CYRIB: variants seen among roughly 807,000 people sequenced by gnomAD.
CYRIB encodes the protein CYFIP related Rac1 interactor B, also known as CYFIP-related Rac1 interactor B.
A neutral mutation model predicts 44.2 loss-of-function variants in CYRIB; 8 were observed. The observed-to-expected ratio is 0.18, with a 90% CI of 0.11 to 0.33. The LOEUF is 0.33. CYRIB is among the 10% of genes least tolerant of loss of function. The pLI, the probability that CYRIB is intolerant of heterozygous loss-of-function variation, is 1.00. For synonymous variants in CYRIB, 131 were observed against 127.2 expected (o/e 1.03, Z -0.20); for missense variants, 185 against 382.8 (o/e 0.48, Z 4.31).
At chr8:129,862,950 T>C (rs2050745311) in intron 4 of CYRIB, among the ~76,000 whole-genome samples, 1 of 152,100 alleles carries the variant, frequency 6.6e-6, no homozygotes, top group Non-Finnish European at 1.5e-5. Context: ...ATAATGAAAA[T>C]TTAAAAATGA....
chr8:129,863,384 G>T (rs1445099675), intron 4 of CYRIB, among the ~76,000 whole-genome samples: 1 of 152,098 alleles, frequency 6.6e-6, no homozygotes, highest in African/African-American at 2.4e-5. Flanking sequence ...AATTAGTCAG[G>T]TGTGGTGGTG....
At chr8:129,946,324 A>G (rs1374534854) in intron 2 of CYRIB, among the ~76,000 whole-genome samples, 1 of 152,212 alleles carries the variant, frequency 6.6e-6, no homozygotes, top group Non-Finnish European at 1.5e-5. Context: ...CTCTGTATCC[A>G]GTCTCGCTCC....
At chr8:130,016,007 A>C (rs2097334339) in intron 1 of CYRIB, among the ~76,000 whole-genome samples, 1 of 151,850 alleles carries the variant, frequency 6.6e-6, no homozygotes. Context: ...TCTGCCAGGG[A>C]CCAGCCACCC....
intron 1 of CYRIB, among the ~76,000 whole-genome samples, chr8:129,983,441 T>C (rs2096326362): frequency 6.6e-6 from 1 of 151,932 alleles, no homozygotes; most frequent in Admixed American, 6.5e-5. Flanking sequence ...CAAGACTCCA[T>C]CTCAACAAAA....
intron 1 of CYRIB, among the ~76,000 whole-genome samples, chr8:129,912,731 A>AT (rs969856648): frequency 2.5e-4 from 37 of 149,578 alleles, no homozygotes; most frequent in Middle Eastern, 3.5e-3. Context: ...CTTGCAAGTC[A>AT]TTTTTTTTTC....
At chr8:130,011,682 A>C (rs2097220157) in intron 1 of CYRIB, among the ~76,000 whole-genome samples, 1 of 151,122 alleles carries the variant, frequency 6.6e-6, no homozygotes, top group Middle Eastern at 3.4e-3. Flanking sequence ...GAAAGAAAGA[A>C]ATTAGCCAGG....
intron 1 of CYRIB, among the ~76,000 whole-genome samples, chr8:129,921,255 C>A (rs1468348083): frequency 6.6e-6 from 1 of 152,142 alleles, no homozygotes; most frequent in Admixed American, 6.5e-5. Flanking sequence ...AGATTCATAA[C>A]AATTTACTTA....
chr8:129,848,734 A>G (rs62525978), intron 10 of CYRIB, among the ~76,000 whole-genome samples: 2 of 146,616 alleles, frequency 1.4e-5, no homozygotes, highest in Non-Finnish European at 3.0e-5. Context: ...ACACCTGGCT[A>G]ATTTTTTTTT....
chr8:129,983,519 A>T (rs998750168), intron 1 of CYRIB, among the ~76,000 whole-genome samples: 1 of 152,214 alleles, frequency 6.6e-6, no homozygotes, highest in Non-Finnish European at 1.5e-5. Context: ...AACAACAAAA[A>T]AAAGTTTTTA....
chr8:129,923,296 TAG>T (rs2085036959), intron 1 of CYRIB, among the ~76,000 whole-genome samples: 1 of 151,544 alleles, frequency 6.6e-6, no homozygotes, highest in South Asian at 2.1e-4. Context: ...ATGTTTGAGA[TAG>T]AGTTTCGCTC....
rs549161379 is a variant in CYRIB at position 129,882,272 on chromosome 8, G to A, written c.-10-2801C>T. 2.4e-3 allele frequency among the ~76,000 whole-genome samples: 358 copies of A among 152,278 alleles called. 5 individuals are homozygous for A. The highest frequency in any genetic ancestry group is 8.2e-3 in the African/African-American group (339 of 41,556). On this transcript the variant is annotated intron_variant, in intron 2 of 11. Transcript: ENST00000519824. The stretch of plus-strand genomic sequence containing the variant: ...TTACTAGCTGTTTGACCTTAAGGAT[G>A]GTAGTTAACCCTTTTGGGGACTCAT...
At chr8:129,943,418 T>G (rs1053764575), upstream of CYRIB, among the ~76,000 whole-genome samples, 27 of 149,888 alleles carry the variant, frequency 1.8e-4, no homozygotes, top group Admixed American at 6.0e-4. Context: ...AAACCCCATC[T>G]CTACTGAAAA....
intron 2 of CYRIB, among the ~76,000 whole-genome samples, chr8:129,886,979 T>C (rs959902013): frequency 1.3e-5 from 2 of 152,036 alleles, no homozygotes; most frequent in Non-Finnish European, 2.9e-5. Flanking sequence ...AATGACTCAC[T>C]AACACACTCA....
chr8:129,949,355 A>T (rs2094374741), intron 2 of CYRIB: 1 of 152,234 alleles, frequency 6.6e-6, no homozygotes, highest in African/African-American at 2.4e-5. Flanking sequence ...ATTATGAAAG[A>T]TATTTTATTA....
upstream of CYRIB, among the ~76,000 whole-genome samples, chr8:129,944,099 A>G (rs898306322): frequency 6.6e-6 from 1 of 152,056 alleles, no homozygotes; most frequent in Non-Finnish European, 1.5e-5. Context: ...GAAGGCAACA[A>G]CAAGTAAAGA....
At chr8:129,873,431 ACT>A (rs1334475441) in intron 3 of CYRIB, among the ~76,000 whole-genome samples, 2 of 151,832 alleles carry the variant, frequency 1.3e-5, no homozygotes, top group East Asian at 3.9e-4. Context: ...TCAGACATAC[ACT>A]CTTTTTAAAA....
intron 2 of CYRIB, among the ~76,000 whole-genome samples, chr8:129,899,155 T>C (rs1163969684): frequency 6.6e-6 from 1 of 152,202 alleles, no homozygotes; most frequent in African/African-American, 2.4e-5. Context: ...CATGAACCAC[T>C]GCACCTGGCC....
chr8:129,993,142 G>C (rs2096679016), intron 1 of CYRIB, among the ~76,000 whole-genome samples: 1 of 152,294 alleles, frequency 6.6e-6, no homozygotes, highest in South Asian at 2.1e-4. Context: ...TGTAATCCCA[G>C]CACTTTGGGA....
At chr8:129,914,261 T>C (rs980272003) in intron 1 of CYRIB, among the ~76,000 whole-genome samples, 1 of 151,660 alleles carries the variant, frequency 6.6e-6, no homozygotes, top group African/African-American at 2.4e-5. Context: ...ATAAATGGAG[T>C]TACAAAAGAA....
Sources: gnomAD v4.1 joint callset for allele counts (sites outside exome capture counted in the v4.1 genomes callset) on GRCh38, gnomAD v4.1.1 for gene constraint, MANE v1.5 for transcripts, NCBI Gene and HGNC (gene_info 2026-07-23, HGNC 2026-07-21) for gene names.